VSTM4: variants seen among roughly 807,000 people sequenced by gnomAD.
VSTM4 encodes the protein V-set and transmembrane domain-containing protein 4.
VSTM4 carries 20 observed loss-of-function variants against 36.4 expected under a neutral mutation model. That is an observed-to-expected ratio of 0.55 (90% confidence interval 0.39 to 0.80). The LOEUF (loss-of-function observed/expected upper bound fraction) is 0.80, where lower values mean the gene tolerates loss of function less well. Among genes scored for constraint, VSTM4 ranks in the 30% least tolerant of loss-of-function variants. The probability of loss-of-function intolerance (pLI) is 0.00; values close to 1 mark genes in which losing one functional copy is unlikely to be tolerated. For missense variants in VSTM4, 392 were observed against 404.5 expected (o/e 0.97, Z 0.26); for synonymous variants, 182 against 173.9 (o/e 1.05, Z -0.37).
At chr10:49,024,258 C>A (rs1843223590) in intron 7 of VSTM4, among the ~76,000 whole-genome samples, 1 of 152,032 alleles carries the variant, frequency 6.6e-6, no homozygotes, top group Non-Finnish European at 1.5e-5. Flanking sequence ...TTTCATGGAC[C>A]CTTAGTCTCA....
intron 5 of VSTM4, among the ~76,000 whole-genome samples, chr10:49,051,842 T>C (rs1432553956): frequency 2.0e-5 from 3 of 152,254 alleles, no homozygotes; most frequent in Non-Finnish European, 4.4e-5. Flanking sequence ...ATGTGCAGTT[T>C]TTTTGTGTGT....
chr10:49,059,456 C>G (rs539958816), intron 5 of VSTM4, among the ~76,000 whole-genome samples: 1 of 152,308 alleles, frequency 6.6e-6, no homozygotes, highest in East Asian at 1.9e-4. Flanking sequence ...GGAATGACAT[C>G]CTTGCTGTAC....
intron 7 of VSTM4, among the ~76,000 whole-genome samples, chr10:49,045,025 G>A (rs1564571763): frequency 1.3e-5 from 2 of 152,130 alleles, no homozygotes; most frequent in South Asian, 2.1e-4. Context: ...GTTATGTTTG[G>A]GGCTCTTTAT....
intron 2 of VSTM4, chr10:49,103,931 C>G: frequency 1.5e-6 from 2 of 1,303,528 alleles, no homozygotes; most frequent in Non-Finnish European, 2.2e-6. Context: ...GGGGGGCACT[C>G]AAACCCCCAA....
intron 5 of VSTM4, among the ~76,000 whole-genome samples, chr10:49,058,800 C>T (rs1282702524): frequency 6.6e-6 from 1 of 152,228 alleles, no homozygotes; most frequent in Non-Finnish European, 1.5e-5. Context: ...CCCTTCCCCT[C>T]CCCTGCCTGA....
At chr10:49,077,157 T>C in intron 4 of VSTM4, 62 bp downstream of exon 4, 6 of 1,538,322 alleles carry the variant, frequency 3.9e-6, no homozygotes, top group Non-Finnish European at 5.4e-6. Context: ...GTCTAGCATC[T>C]TCCGCCCGTC....
chr10:49,105,213 C>CAGAGAGAGAGAG (rs376193769), intron 2 of VSTM4, among the ~76,000 whole-genome samples: 1 of 117,544 alleles, frequency 8.5e-6, no homozygotes, highest in African/African-American at 3.3e-5. Context: ...GACAGAGAGA[C>CAGAGAGAGAGAG]AGAGAGAGAG....
chr10:49,079,602 C>A (rs1007297090), intron 3 of VSTM4, among the ~76,000 whole-genome samples: 40 of 152,072 alleles, frequency 2.6e-4, no homozygotes, highest in Non-Finnish European at 5.3e-4. Flanking sequence ...TTCCTGAGTC[C>A]AAGAAAGATA....
intron 2 of VSTM4, 28 bp downstream of exon 2, chr10:49,107,566 C>CTTGG (rs778576821): frequency 3.6e-5 from 56 of 1,576,814 alleles, no homozygotes; most frequent in Non-Finnish European, 4.6e-5. Flanking sequence ...CCACCACCAC[C>CTTGG]TCTACCCAGG....
chr10:49,110,588 T>C (rs530050196), intron 1 of VSTM4, among the ~76,000 whole-genome samples: 16 of 152,214 alleles, frequency 1.1e-4, no homozygotes, highest in African/African-American at 3.9e-4. Flanking sequence ...GACCTAAGAA[T>C]GGGACTGTAT....
intron 4 of VSTM4, among the ~76,000 whole-genome samples, chr10:49,072,789 G>T (rs1564583053): frequency 6.6e-6 from 1 of 152,200 alleles, no homozygotes; most frequent in African/African-American, 2.4e-5. Flanking sequence ...GCTGAGAGTG[G>T]CACTACCTTG....
At chr10:49,068,644 A>G (rs963977367) in intron 4 of VSTM4, among the ~76,000 whole-genome samples, 2 of 152,226 alleles carry the variant, frequency 1.3e-5, no homozygotes, top group African/African-American at 2.4e-5. Flanking sequence ...TATGCATAGC[A>G]TAATTAGTGC....
At chr10:49,060,169 A>G (rs1216029256) in intron 5 of VSTM4, among the ~76,000 whole-genome samples, 1 of 152,236 alleles carries the variant, frequency 6.6e-6, no homozygotes, top group Non-Finnish European at 1.5e-5. Flanking sequence ...AGCTATGAAC[A>G]ACTGCATATA....
chr10:49,077,563 C>T (rs777606750), intron 3 of VSTM4, among the ~76,000 whole-genome samples: 14 of 152,170 alleles, frequency 9.2e-5, no homozygotes, highest in African/African-American at 1.9e-4. Flanking sequence ...AATTCAACGG[C>T]GGAAGGACAG....
intron 2 of VSTM4, 64 bp downstream of exon 2, chr10:49,107,530 T>A (rs1844804170): frequency 6.5e-7 from 1 of 1,530,422 alleles, no homozygotes; most frequent in African/African-American, 1.4e-5. Flanking sequence ...GGGTGGTGGC[T>A]GCAAAGGGGG....
chr10:49,103,995 CTTG>C, intron 2 of VSTM4: 1 of 708,300 alleles, frequency 1.4e-6, no homozygotes, highest in Non-Finnish European at 2.3e-6. Flanking sequence ...ACTTCTCATC[CTTG>C]TTGTTCTGTG....
At chr10:49,096,971 A>G (rs11100984) in intron 2 of VSTM4, among the ~76,000 whole-genome samples, 42,733 of 151,730 alleles carry the variant, frequency 0.28, 7,068 homozygotes, top group African/African-American at 0.46. Flanking sequence ...TGTTTTTTGA[A>G]GTCTTGGGGA....
intron 7 of VSTM4, among the ~76,000 whole-genome samples, chr10:49,043,003 C>T (rs919913786): frequency 6.6e-6 from 1 of 152,170 alleles, no homozygotes; most frequent in East Asian, 1.9e-4. Context: ...GACACAGGAA[C>T]ATGCTTGGTA....
intron 5 of VSTM4, among the ~76,000 whole-genome samples, chr10:49,061,089 C>G (rs1435139540): frequency 3.3e-5 from 5 of 152,162 alleles, no homozygotes; most frequent in Admixed American, 2.6e-4. Flanking sequence ...GACAGAAGAA[C>G]TGTAAGTCCT....
Sources: allele counts gnomAD v4.1 joint callset (sites outside exome capture counted in the v4.1 genomes callset), GRCh38; gene constraint gnomAD v4.1.1; transcripts MANE v1.5; gene names NCBI Gene and HGNC (gene_info 2026-07-23, HGNC 2026-07-21).